The following SLC4A8 variants were observed in gnomAD, a reference collection of about 807,000 sequenced individuals.
The protein encoded by SLC4A8 is electroneutral sodium bicarbonate exchanger 1.
A neutral mutation model predicts 125.0 loss-of-function variants in SLC4A8; 40 were observed. That is an observed-to-expected ratio of 0.32 (90% confidence interval 0.25 to 0.42). The LOEUF is 0.42. SLC4A8 is among the 10% of genes least tolerant of loss of function. SLC4A8 has a pLI of 1.00. For synonymous variants in SLC4A8, 456 were observed against 476.0 expected, an observed-to-expected ratio of 0.96 and a Z score of 0.55; for missense variants, 863 against 1,355.1, an observed-to-expected ratio of 0.64 and a Z score of 5.70.
At chr12:51,502,968 A>G (rs1405216379) in intron 22 of SLC4A8, among the ~76,000 whole-genome samples, 1 of 151,078 alleles carries the variant, frequency 6.6e-6, no homozygotes, top group Non-Finnish European at 1.5e-5. Flanking sequence ...CAGCCTCCCG[A>G]GTAGCTGGGA....
At chr12:51,464,493 C>T (rs1044520442) in intron 11 of SLC4A8, among the ~76,000 whole-genome samples, 4 of 152,084 alleles carry the variant, frequency 2.6e-5, no homozygotes, top group African/African-American at 9.7e-5. Flanking sequence ...GGAAGCAGGT[C>T]CCCAGAGTAG....
chr12:51,427,088 T>A (rs946096684), intron 1 of SLC4A8, among the ~76,000 whole-genome samples: 4 of 151,804 alleles, frequency 2.6e-5, no homozygotes, highest in Non-Finnish European at 4.4e-5. Flanking sequence ...ACAGGCGCCT[T>A]CCACCACGCC....
At chr12:51,432,392 CAG>C (rs1361589811) in intron 1 of SLC4A8, among the ~76,000 whole-genome samples, 20 of 117,106 alleles carry the variant, frequency 1.7e-4, no homozygotes, top group African/African-American at 6.7e-4. Flanking sequence ...GCCTGGGCGA[CAG>C]AGCGAGACTC....
intron 1 of SLC4A8, among the ~76,000 whole-genome samples, chr12:51,440,083 G>T (rs1949546007): frequency 6.6e-6 from 1 of 152,160 alleles, no homozygotes; most frequent in African/African-American, 2.4e-5. Flanking sequence ...CTGATAAGAG[G>T]AGCAGGATGG....
At chr12:51,439,249 G>T (rs934657366) in intron 1 of SLC4A8, among the ~76,000 whole-genome samples, 9 of 152,146 alleles carry the variant, frequency 5.9e-5, no homozygotes, top group African/African-American at 2.2e-4. Context: ...TAGAGATGGG[G>T]TTTCACCATG....
intron 1 of SLC4A8, among the ~76,000 whole-genome samples, chr12:51,416,453 G>T (rs548101564): frequency 6.6e-6 from 1 of 152,084 alleles, no homozygotes; most frequent in Non-Finnish European, 1.5e-5. Flanking sequence ...GACCAGCCTG[G>T]TCAACAAGGT....
chr12:51,422,724 C>T (rs1378166327), upstream of SLC4A8, among the ~76,000 whole-genome samples: 2 of 152,144 alleles, frequency 1.3e-5, no homozygotes. Context: ...CTGCTTTGGC[C>T]CAAATTGTGG....
intron 24 of SLC4A8, 59 bp from the exon 25 acceptor site, chr12:51,507,367 T>C (rs986837830): frequency 1.7e-6 from 2 of 1,171,490 alleles, no homozygotes; most frequent in Non-Finnish European, 2.3e-6. Flanking sequence ...AAGTATTGTG[T>C]TAAAAGGAGG....
intron 1 of SLC4A8, among the ~76,000 whole-genome samples, chr12:51,433,884 G>GTTTTTTTTTTTTTTTTTTTTTTTTTTTT (rs1565772495): frequency 4.2e-5 from 3 of 72,202 alleles, no homozygotes; most frequent in Non-Finnish European, 5.6e-5. Flanking sequence ...TTTTTGGTTG[G>GTTTTTTTTTTTTTTTTTTTTTTTTTTTT]TTTTTTTTTG....
At position 51,489,768 on chromosome 12, in the gene SLC4A8, C is replaced by A. The variant is rs572774615; in HGVS notation, c.2517C>A (p.Gly839=). 6.2e-7 allele frequency: 1 copy of A among 1,614,196 alleles called. No homozygotes were observed. The highest frequency in any genetic ancestry group is 1.1e-5 in the South Asian group (1 of 91,084). The part of the protein sequence containing the change: ...AIMLGVCSIM[G]LPWFVAATVL... ...TGCTGGGTGTCTGCTCCATCATGGG[C>A]CTGCCCTGGTTTGTAGCTGCAACTG... is the stretch of plus-strand genomic sequence containing the variant. The change falls in exon 19 of 25, where the codon GGC becomes GGA. Residue 839 remains glycine (G), a synonymous_variant. Coordinates refer to ENST00000453097, the MANE Select transcript of SLC4A8 (RefSeq NM_001039960.3).
intron 10 of SLC4A8, 124 bp downstream of exon 10, chr12:51,462,580 G>T: frequency 1.4e-6 from 1 of 701,644 alleles, no homozygotes; most frequent in Non-Finnish European, 2.2e-6. Context: ...GGTGCACCTA[G>T]AATATCAAAA....
chr12:51,485,790 C>T lies in SLC4A8; in HGVS notation c.2176C>T (p.Arg726Cys), dbSNP rs551022292. Residue 726 changes from arginine (R) to cysteine (C), a missense_variant, in exon 17 of 25, where the codon CGC becomes TGC. Around this residue, in one of 6 missense-constraint regions of SLC4A8, gnomAD observed 197 missense variants for 377.7 expected, o/e 0.52. Coordinates refer to ENST00000453097, the MANE Select transcript of SLC4A8 (RefSeq NM_001039960.3). ...GTCCACTTCTTTCTCATGCCAGGTA[C>T]GCTCCATGGTGAGTGACTTTGCTGT... The part of the protein sequence containing the change: ...KTSRYFPTRV[R>C]SMVSDFAVFL... 7 of 1,591,520 alleles carry T rather than the reference C, an allele frequency of 4.4e-6. No individual in the cohort carries two copies. Among genetic ancestry groups the T allele is most frequent in the African/African-American group, 1.3e-5 (1 of 74,450 alleles).
intron 1 of SLC4A8, among the ~76,000 whole-genome samples, chr12:51,406,352 G>A (rs1475382822): frequency 2.0e-5 from 3 of 152,210 alleles, no homozygotes; most frequent in Admixed American, 6.5e-5. Flanking sequence ...AAGCCATAAA[G>A]CATTATTGAT....
chr12:51,406,864 G>A (rs1330017272), intron 1 of SLC4A8, among the ~76,000 whole-genome samples: 1 of 152,230 alleles, frequency 6.6e-6, no homozygotes, highest in African/African-American at 2.4e-5. Flanking sequence ...ATGAGGAGGA[G>A]CCAGGCTAGG....
chr12:51,411,649 G>A (rs1047277281), intron 1 of SLC4A8, among the ~76,000 whole-genome samples: 3 of 151,876 alleles, frequency 2.0e-5, no homozygotes, highest in Non-Finnish European at 4.4e-5. Flanking sequence ...TTTTGAGTTG[G>A]GTACTTAATT....
At chr12:51,461,647 C>A (rs1950327210) in intron 9 of SLC4A8, 1 of 216,906 alleles carries the variant, frequency 4.6e-6, no homozygotes, top group African/African-American at 2.3e-5. Context: ...AAACCTCACT[C>A]CTGTTCCACT....
Position 51,510,796 on chromosome 12 carries a change from C to T in SLC4A8, c.*3358C>T, listed in dbSNP as rs998224019. 6 of 152,082 alleles carry T rather than the reference C, an allele frequency of 3.9e-5. No homozygotes were observed. Among genetic ancestry groups the T allele is most frequent in the African/African-American group, 4.8e-5 (2 of 41,290 alleles). The allele number at this position is 152,082 out of a possible 1,614,324, so 9.4% of individuals were successfully genotyped here. On this transcript the variant is annotated 3_prime_UTR_variant, in exon 25 of 25. Coordinates refer to ENST00000453097, the MANE Select transcript of SLC4A8 (RefSeq NM_001039960.3). ...AGGATCTCTTAACGGCAAGTGCTCA[C>T]GGGGCATGGGTGATTTTGTCTAGTC...
chr12:51,488,510 CTT>C (rs1951218311), intron 17 of SLC4A8, among the ~76,000 whole-genome samples, 187 bp from the exon 18 acceptor site: 1 of 150,326 alleles, frequency 6.7e-6, no homozygotes, highest in African/African-American at 2.4e-5. Context: ...GTCTTTAACT[CTT>C]TGGGAAATGG....
At chr12:51,463,337 AGCCCCATTTTTCTC>A (rs776400840) in intron 10 of SLC4A8, among the ~76,000 whole-genome samples, 5 of 152,212 alleles carry the variant, frequency 3.3e-5, no homozygotes, top group Non-Finnish European at 7.3e-5. Flanking sequence ...CTAATGCCAA[AGCCCCATTTTTCTC>A]TTTCTAGGCA....
Sources: allele counts gnomAD v4.1 joint callset (sites outside exome capture counted in the v4.1 genomes callset), GRCh38; gene constraint gnomAD v4.1.1; regional missense constraint gnomAD v4.1.1; transcripts MANE v1.5; gene names NCBI Gene and HGNC (gene_info 2026-07-23, HGNC 2026-07-21).